BBS2: variants seen among roughly 807,000 people sequenced by gnomAD.
The protein encoded by BBS2 is BBSome complex member BBS2.
Under a neutral mutation model 83.0 loss-of-function variants are expected in BBS2, and 62 were observed. The observed-to-expected ratio is 0.75, with a 90% CI of 0.61 to 0.92. BBS2 has a LOEUF of 0.92. Ranked by LOEUF, BBS2 falls within the 40% of genes least tolerant of loss-of-function variation. The probability of loss-of-function intolerance (pLI) is 0.00; values close to 1 mark genes in which losing one functional copy is unlikely to be tolerated. For missense variants in BBS2, 784 were observed against 901.0 expected (o/e 0.87, Z 1.66); for synonymous variants, 303 against 326.1 (o/e 0.93, Z 0.76).
At chr16:56,499,496 C>T (rs1010265734) in intron 12 of BBS2, 1 of 385,322 alleles carries the variant, frequency 2.6e-6, no homozygotes, top group Non-Finnish European at 4.9e-6. Context: ...AAATACTACA[C>T]CAGGACAACC....
chr16:56,511,649 G>A (rs1417331183), intron 2 of BBS2, among the ~76,000 whole-genome samples: 1 of 152,068 alleles, frequency 6.6e-6, no homozygotes, highest in Admixed American at 6.6e-5. Context: ...TTTTTGACTT[G>A]CCAGGCTCCA....
intron 9 of BBS2, 75 bp from the exon 10 acceptor site, chr16:56,501,572 A>G (rs991213646): frequency 1.3e-6 from 2 of 1,583,404 alleles, no homozygotes; most frequent in South Asian, 1.1e-5. Context: ...TAATATTGCT[A>G]TTCAGCTTCA....
intron 5 of BBS2, 135 bp from the exon 6 acceptor site, chr16:56,506,359 G>T: frequency 1.4e-6 from 1 of 711,922 alleles, no homozygotes; most frequent in Non-Finnish European, 2.5e-6. Context: ...CAATCCATTA[G>T]TGGGGAATGT....
intron 4 of BBS2, among the ~76,000 whole-genome samples, chr16:56,510,519 G>C (rs1964546454): frequency 6.6e-6 from 1 of 152,128 alleles, no homozygotes; most frequent in African/African-American, 2.4e-5. Flanking sequence ...CAAAACAGTT[G>C]GCCAAAATTG....
At chr16:56,497,920 T>C (rs777157451) in intron 13 of BBS2, 40 bp from the exon 14 acceptor site, 1 of 1,598,340 alleles carries the variant, frequency 6.3e-7, no homozygotes, top group African/African-American at 1.3e-5. Context: ...CATCCTCAGA[T>C]GTTAGACAAA....
intron 15 of BBS2, among the ~76,000 whole-genome samples, chr16:56,489,256 C>T (rs1456523553): frequency 6.6e-6 from 1 of 151,772 alleles, no homozygotes; most frequent in Non-Finnish European, 1.5e-5. Context: ...TAGGAGGATC[C>T]CTTGTACCTG....
In BBS2 at chr16:56,491,677, A is replaced by G. The variant is rs551357632; in HGVS notation, c.1910+5290T>C. Among the ~76,000 whole-genome samples the G allele has an allele frequency of 3.3e-5, 5 of 151,988 alleles. No individual in the cohort carries two copies. In the East Asian group the frequency reaches 9.6e-4, roughly 29 times the overall value. On this transcript the variant is annotated intron_variant, in intron 15 of 16. Transcript: ENST00000245157. ...GAAATGGCCCTGAATTAAAACAATGAAAAATGCCCAATACTGAACATAATA... is the reference window on the plus strand; with the variant it reads ...GAAATGGCCCTGAATTAAAACAATGGAAAATGCCCAATACTGAACATAATA...
At position 56,484,807 on chromosome 16, in the gene BBS2, A is replaced by G; in HGVS notation, c.2120T>C (p.Ile707Thr). The G allele has an allele frequency of 6.2e-7, 1 of 1,614,068 alleles. No individual in the cohort carries two copies. The highest frequency in any genetic ancestry group is 8.5e-7 in the Non-Finnish European group (1 of 1,179,948). ...ACRDAIRSNN[I>T]NTLFKIMRVG... ...TCGCATGATTTTGAACAGTGTGTTGATGTTATTGCTTCGAATTGCATCCCG... is the reference window on the plus strand; with the variant it reads ...TCGCATGATTTTGAACAGTGTGTTGGTGTTATTGCTTCGAATTGCATCCCG... Residue 707 changes from isoleucine to threonine, a missense_variant, in exon 17 of 17, where the codon ATC (isoleucine) becomes ACC (threonine). Physicochemically the swap from Ile to Thr is moderately conservative, Grantham distance 89. Transcript: ENST00000245157.
Position 56,498,499 on chromosome 16 carries a change from CT to C in BBS2, c.1596del (p.Val533CysfsTer14). The C allele has an allele frequency of 6.2e-7, 1 of 1,614,084 alleles. No homozygotes were observed. The highest frequency in any genetic ancestry group is 8.5e-7 in the Non-Finnish European group (1 of 1,180,014). On this transcript the variant is annotated frameshift_variant, in exon 13 of 17. Transcript: ENST00000245157. LOFTEE classifies it high-confidence loss of function. ...EDTHIQNAPF[Q>X]VCFTSLRNGG... ...CCATTCCGTAAAGATGTGAAACACA[CT>C]TGAAATGGAGCATTCTGAATGTGAG...
At chr16:56,518,702 A>C (rs1964821644) in intron 1 of BBS2, among the ~76,000 whole-genome samples, 1 of 100,286 alleles carries the variant, frequency 1.0e-5, no homozygotes, top group South Asian at 3.5e-4. Flanking sequence ...ACTACATTCC[A>C]TGTATTTTGG....
At chr16:56,507,348 C>A (rs1350442731) in intron 5 of BBS2, among the ~76,000 whole-genome samples, 1 of 152,186 alleles carries the variant, frequency 6.6e-6, no homozygotes, top group African/African-American at 2.4e-5. Context: ...ATCAACAAGT[C>A]CCCTCAAATC....
In BBS2 at chr16:56,514,624, G is replaced by C. The variant is rs1483812430; in HGVS notation, c.174C>G (p.Phe58Leu). 6.2e-7 allele frequency: 1 copy of C among 1,614,030 alleles called. No individual in the cohort carries two copies. The highest frequency in any genetic ancestry group is 8.5e-7 in the Non-Finnish European group (1 of 1,180,022). ...AAACATCAGATTCCAGGGGGCTCTG[G>C]AAGACCCTGGATGCACTGACATGCT... ...RNQHVSASRVFQSPLESDVSL... is the reference protein window; with the variant it reads ...RNQHVSASRVLQSPLESDVSL... Residue 58 changes from phenylalanine to leucine, a missense_variant, in exon 2 of 17, where the codon TTC becomes TTG. Transcript: ENST00000245157.
At chr16:56,492,896 T>C (rs190143198) in intron 15 of BBS2, among the ~76,000 whole-genome samples, 13 of 152,202 alleles carry the variant, frequency 8.5e-5, no homozygotes, top group African/African-American at 2.9e-4. Context: ...CAAACTATCC[T>C]GGCAAAAATA....
At chr16:56,481,706 A>G (rs1301319398), downstream of BBS2, among the ~76,000 whole-genome samples, 1 of 152,236 alleles carries the variant, frequency 6.6e-6, no homozygotes, top group African/African-American at 2.4e-5. Context: ...GAAGTTACTG[A>G]TAAACTCATC....
At chr16:56,475,780 A>ATT (rs1963442063) in intron 17 of BBS2, among the ~76,000 whole-genome samples, 1 of 152,206 alleles carries the variant, frequency 6.6e-6, no homozygotes, top group Non-Finnish European at 1.5e-5. Flanking sequence ...GAAATTCCAA[A>ATT]TTAAGAGCCA....
intron 15 of BBS2, among the ~76,000 whole-genome samples, chr16:56,492,448 A>C (rs1460840486): frequency 6.6e-6 from 1 of 152,228 alleles, no homozygotes. Flanking sequence ...TGGAGTATCT[A>C]AAATAGTCAA....
At position 56,505,953 on chromosome 16, in the gene BBS2, C is replaced by T; in HGVS notation, c.801G>A (p.Gly267=). 1 of 1,612,714 alleles carries T rather than the reference C, an allele frequency of 6.2e-7. No individual in the cohort carries two copies. The highest frequency in any genetic ancestry group is 8.5e-7 in the Non-Finnish European group (1 of 1,178,982). ...GAACTTTGCTATTCAAACTTACCTT[C>T]CCATTGGACCAACCAGTTATCAGTT... ...VNELITGWSN[G]KVDARSDRTG... Residue 267 remains glycine, a synonymous_variant, in exon 7 of 17, where the codon GGG becomes GGA. Coordinates refer to ENST00000245157, the MANE Select transcript of BBS2 (RefSeq NM_031885.5).
Position 56,519,873 on chromosome 16 carries a change from GCT to G in BBS2, c.-13_-12del. The G allele has an allele frequency of 6.2e-7, 1 of 1,607,366 alleles. No homozygotes were observed. Among genetic ancestry groups the G allele is most frequent in the Non-Finnish European group, 8.5e-7 (1 of 1,174,064 alleles). ...CACAGGCAGCAGCATGATGGCGGCGGCTTAGGGGAGGAGGGCTGGAAGCTGGA... is the reference window on the plus strand; with the variant it reads ...CACAGGCAGCAGCATGATGGCGGCGGTAGGGGAGGAGGGCTGGAAGCTGGA... On this transcript the variant is annotated 5_prime_UTR_variant, in exon 1 of 17. Transcript: ENST00000245157.
chr16:56,479,678 C>T (rs1336881736), downstream of BBS2, among the ~76,000 whole-genome samples: 1 of 152,208 alleles, frequency 6.6e-6, no homozygotes, highest in Non-Finnish European at 1.5e-5. Context: ...GGATGAGCCA[C>T]AAATTCCTAT....
Sources: allele counts gnomAD v4.1 joint callset (sites outside exome capture counted in the v4.1 genomes callset), GRCh38; gene constraint gnomAD v4.1.1; transcripts MANE v1.5; gene names NCBI Gene and HGNC (gene_info 2026-07-23, HGNC 2026-07-21).